HTR3B: variants seen among roughly 807,000 people sequenced by gnomAD.
The protein encoded by HTR3B is 5-hydroxytryptamine (serotonin) receptor 3B, ionotropic.
In HTR3B, 44 loss-of-function variants were observed where a neutral mutation model predicts 42.8. The ratio of observed to expected loss-of-function variants is 1.03; its 90% CI spans 0.81 to 1.32. HTR3B has a LOEUF of 1.32. Among genes scored for constraint, HTR3B ranks in the 40% most tolerant of loss-of-function variants. The pLI is 0.00. For missense variants in HTR3B, 527 were observed against 536.5 expected (o/e 0.98, Z 0.17); for synonymous variants, 203 against 209.0 (o/e 0.97, Z 0.25).
chr11:113,934,993 A>G (rs1224550059), intron 6 of HTR3B, among the ~76,000 whole-genome samples: 1 of 152,068 alleles, frequency 6.6e-6, no homozygotes, highest in East Asian at 1.9e-4. Context: ...CAGGAAAGAG[A>G]TGGGGCAGGT....
At chr11:113,931,118 G>A (rs1195628494) in intron 2 of HTR3B, among the ~76,000 whole-genome samples, 2 of 152,166 alleles carry the variant, frequency 1.3e-5, no homozygotes, top group African/African-American at 4.8e-5. Context: ...ATTAGAGTGG[G>A]AAAGAGATTA....
chr11:113,922,394 G>A (rs909068833), intron 2 of HTR3B, among the ~76,000 whole-genome samples: 17 of 151,494 alleles, frequency 1.1e-4, no homozygotes, highest in Non-Finnish European at 1.6e-4. Flanking sequence ...CCACCATATC[G>A]GGCTAATTTT....
At chr11:113,933,841 G>C (rs879274181) in intron 6 of HTR3B, among the ~76,000 whole-genome samples, 4 of 152,140 alleles carry the variant, frequency 2.6e-5, no homozygotes, top group African/African-American at 4.8e-5. Flanking sequence ...CACACAACTG[G>C]TAAACTACAT....
chr11:113,933,102 T>G lies in HTR3B; in HGVS notation c.696+9T>G. 6.2e-7 allele frequency: 1 copy of G among 1,609,680 alleles called. No homozygotes were observed. The highest frequency in any genetic ancestry group is 8.5e-7 in the Non-Finnish European group (1 of 1,177,084). The stretch of plus-strand genomic sequence containing the variant: ...CACAGATTCAGTTTAATGTAGGTTC[T>G]TTACTACCTGTCCCCGTTGCCCGCT... On this transcript the variant is annotated intron_variant, in intron 6 of 8. Transcript: ENST00000260191.
At chr11:113,936,080 C>T (rs1023924799) in intron 6 of HTR3B, among the ~76,000 whole-genome samples, 4 of 152,174 alleles carry the variant, frequency 2.6e-5, no homozygotes, top group African/African-American at 9.7e-5. Flanking sequence ...TGTGTACAGC[C>T]TGGGACCCGG....
At chr11:113,933,240 G>A in intron 6 of HTR3B, 147 bp downstream of exon 6, 1 of 724,254 alleles carries the variant, frequency 1.4e-6, no homozygotes, top group Non-Finnish European at 2.2e-6. Flanking sequence ...GCATCCACCT[G>A]CATTCCAGCA....
intron 3 of HTR3B, 86 bp from the exon 4 acceptor site, chr11:113,931,672 T>A: frequency 2.4e-6 from 2 of 837,814 alleles, no homozygotes; most frequent in Non-Finnish European, 4.0e-6. Context: ...ATAAATTGGA[T>A]TATTAATCCA....
intron 2 of HTR3B, among the ~76,000 whole-genome samples, chr11:113,926,331 A>G (rs578220554): frequency 1.3e-5 from 2 of 152,076 alleles, no homozygotes; most frequent in Admixed American, 6.6e-5. Flanking sequence ...GAATATTTTT[A>G]TACAGGTTTT....
At position 113,931,861 on chromosome 11, in the gene HTR3B, A is replaced by G; in HGVS notation, c.362A>G (p.Asn121Ser). The G allele has an allele frequency of 6.4e-7, 1 of 1,559,050 alleles. No homozygotes were observed. The highest frequency in any genetic ancestry group is 8.9e-7 in the Non-Finnish European group (1 of 1,129,768). The stretch of plus-strand genomic sequence containing the variant: ...ATCTGGGCCCCCGATATCATCATCA[A>G]TGAGTTGTAAGTGTGCCAGTGTGTA... ...SAIWAPDIII[N>S]EFVDIERYPD... The change falls in exon 4 of 9, where the codon AAT becomes AGT. Residue 121 changes from asparagine to serine, a missense_variant. Coordinates refer to ENST00000260191, the MANE Select transcript of HTR3B (RefSeq NM_006028.5).
Position 113,926,478 on chromosome 11 carries a change from C to CTTTCT in HTR3B, c.214-4902_214-4901insTTTTC, listed in dbSNP as rs750942873. ...CTTTCCTTTCCTTTCTTTTCCTTTC[C>CTTTCT]TTTCCTTTCCTTTCCTTTCCTTTCC... On this transcript the variant is annotated intron_variant, in intron 2 of 8. Coordinates refer to ENST00000260191, the MANE Select transcript of HTR3B (RefSeq NM_006028.5). Among the ~76,000 whole-genome samples, 368 of 122,114 alleles carry CTTTCT rather than the reference C, an allele frequency of 3.0e-3. 1 individual carries two copies. Among genetic ancestry groups the CTTTCT allele is most frequent in the Middle Eastern group, 0.016 (4 of 248 alleles). 80.1% of individuals were successfully genotyped at this position (122,114 alleles called of 152,430 possible). A position where few individuals can be genotyped will look rare whatever the true frequency, so the allele number is the denominator to read the frequency against.
rs1950183846 is a variant in HTR3B at position 113,946,703 on chromosome 11, A to G, written c.*566A>G. The stretch of plus-strand genomic sequence containing the variant: ...CTTCTTATCCCAGTCCACTCACCCA[A>G]AGCAACCACTGTTAGTAATTTCTTC... On this transcript the variant is annotated 3_prime_UTR_variant, in exon 9 of 9. Transcript: ENST00000260191. 3.3e-5 allele frequency: 5 copies of G among 152,250 alleles called. No individual in the cohort carries two copies. The highest frequency in any genetic ancestry group is 3.3e-4 in the Admixed American group (5 of 15,272). 9.4% of individuals were successfully genotyped at this position (152,250 alleles called of 1,614,324 possible). A position where few individuals can be genotyped will look rare whatever the true frequency, so the allele number is the denominator to read the frequency against.
chr11:113,944,427 A>G, intron 7 of HTR3B, 146 bp from the exon 8 acceptor site: 1 of 689,050 alleles, frequency 1.5e-6, no homozygotes. Context: ...CTTCAGCCCA[A>G]TACGTTAAGG....
In HTR3B at chr11:113,944,668, C is replaced by A. The variant is rs778916614; in HGVS notation, c.1003C>A (p.Gln335Lys). The change falls in exon 8 of 9, where the codon CAG (glutamine) becomes AAG (lysine). Residue 335 changes from glutamine to lysine, a missense_variant. By Grantham distance (53) the Gln-to-Lys change is moderately conservative. Transcript: ENST00000260191. ...KFLHDEQRGG[Q>K]EQPFLCLRGD... ...CCTCCATGATGAGCAGCGTGGTGGA[C>A]AGGAGCAGCCCTTCTTGTGCCTTCG... 12 of 1,614,154 alleles carry A rather than the reference C, an allele frequency of 7.4e-6. No individual in the cohort carries two copies. The highest frequency in any genetic ancestry group is 1.0e-5 in the Non-Finnish European group (12 of 1,180,014).
rs770948693 is a variant in HTR3B at position 113,944,573 on chromosome 11, G to A, written c.908G>A (p.Gly303Glu). The stretch of plus-strand genomic sequence containing the variant: ...CTGCACCTCTTCTGGCTTCTCTCAG[G>A]GCACTTCTTCACCATCTGCATGGCC... Reference protein sequence around the residue: ...PRSVGSTPLIGHFFTICMAFL... With the variant: ...PRSVGSTPLIEHFFTICMAFL... Residue 303 changes from glycine (G) to glutamate (E), a missense_variant and splice_region_variant, in exon 8 of 9, where the codon GGG becomes GAG. By Grantham distance (98) the Gly-to-Glu change is moderately conservative. Coordinates refer to ENST00000260191, the MANE Select transcript of HTR3B (RefSeq NM_006028.5). The A allele has an allele frequency of 1.9e-6, 3 of 1,613,312 alleles. No individual in the cohort carries two copies. Among genetic ancestry groups the A allele is most frequent in the East Asian group, 4.5e-5 (2 of 44,830 alleles).
chr11:113,911,323 C>T (rs530444034), intron 2 of HTR3B, among the ~76,000 whole-genome samples: 21 of 151,954 alleles, frequency 1.4e-4, no homozygotes, highest in East Asian at 1.9e-4. Context: ...CTCTGCCTCC[C>T]GGGTTCAAGT....
At chr11:113,930,590 G>A (rs1052181461) in intron 2 of HTR3B, among the ~76,000 whole-genome samples, 1 of 148,218 alleles carries the variant, frequency 6.7e-6, no homozygotes, top group African/African-American at 2.5e-5. Flanking sequence ...CTGGACTCAA[G>A]CAATCCTTCC....
rs567468500 is a variant in HTR3B, at chr11:113,947,658, G to A, written c.*1521G>A. On this transcript the variant is annotated 3_prime_UTR_variant, in exon 9 of 9. Coordinates refer to ENST00000260191, the MANE Select transcript of HTR3B (RefSeq NM_006028.5). ...TCTAACAAGGGCACCAGTGTTGTTG[G>A]TTTAGGGTCCATCCTAGTGACCTCT... Among the ~76,000 whole-genome samples the A allele has an allele frequency of 5.3e-5, 8 of 152,240 alleles. No homozygotes were observed. The East Asian group carries it at 1.2e-3, about 22-fold the overall frequency.
In HTR3B at chr11:113,933,228, G is replaced by A. The variant is rs577760544; in HGVS notation, c.696+135G>A. On this transcript the variant is annotated intron_variant, in intron 6 of 8. Transcript: ENST00000260191. The stretch of plus-strand genomic sequence containing the variant: ...AAGAACAGGGACTTCAGCGGGCTCT[G>A]AGCATCCACCTGCATTCCAGCATTT... The A allele has an allele frequency of 1.6e-5, 13 of 818,184 alleles. No individual in the cohort carries two copies. In the Admixed American group the frequency reaches 2.1e-4, roughly 13 times the overall value. 50.7% of individuals were successfully genotyped at this position (818,184 alleles called of 1,614,324 possible).
intron 2 of HTR3B, among the ~76,000 whole-genome samples, chr11:113,918,785 T>A (rs1481359969): frequency 6.0e-5 from 9 of 151,174 alleles, no homozygotes; most frequent in Non-Finnish European, 1.5e-5. Flanking sequence ...GCCTCCTGAA[T>A]AGCTGGGATT....
Sources: allele counts gnomAD v4.1 joint callset (sites outside exome capture counted in the v4.1 genomes callset), GRCh38; gene constraint gnomAD v4.1.1; transcripts MANE v1.5; gene names NCBI Gene and HGNC (gene_info 2026-07-23, HGNC 2026-07-21).